The following HDAC8 variants were observed in gnomAD, a reference collection of about 807,000 sequenced individuals.
HDAC8 encodes the protein histone deacetylase 8.
Under a neutral mutation model 32.2 loss-of-function variants are expected in HDAC8, and 1 was observed. That is an observed-to-expected ratio of 0.03 (90% confidence interval 0.01 to 0.15). The LOEUF (loss-of-function observed/expected upper bound fraction) is 0.15, where lower values mean the gene tolerates loss of function less well. Ranked by LOEUF, HDAC8 falls within the 10% of genes least tolerant of loss-of-function variation. The pLI is 1.00. For missense variants in HDAC8, 117 were observed against 300.0 expected, an observed-to-expected ratio of 0.39 and a Z score of 4.51; for synonymous variants, 108 against 113.9, an observed-to-expected ratio of 0.95 and a Z score of 0.33.
chrX:72,455,210 G>T (rs1356315569), intron 9 of HDAC8, among the ~76,000 whole-genome samples: 1 of 112,061 alleles, frequency 8.9e-6, no homozygotes, highest in African/African-American at 3.2e-5. Flanking sequence ...TAAAACTGCA[G>T]ATACTATGGT....
At chrX:72,438,353 A>G (rs2047015807) in intron 9 of HDAC8, among the ~76,000 whole-genome samples, 1 of 112,155 alleles carries the variant, frequency 8.9e-6, no homozygotes, top group African/African-American at 3.2e-5. Context: ...ACCAACATCA[A>G]AGACCAAAGG....
intron 4 of HDAC8, among the ~76,000 whole-genome samples, chrX:72,498,936 G>A (rs974944656): frequency 9.0e-6 from 1 of 111,310 alleles, no homozygotes; most frequent in African/African-American, 3.3e-5. Context: ...TGGCTTGGTT[G>A]TGATCTCACA....
At chrX:72,437,504 C>T (rs2046986974) in intron 9 of HDAC8, among the ~76,000 whole-genome samples, 1 of 111,119 alleles carries the variant, frequency 9.0e-6, no homozygotes, top group African/African-American at 3.3e-5. Context: ...TCTTCACTCC[C>T]CTGAAAAGGG....
intron 9 of HDAC8, among the ~76,000 whole-genome samples, chrX:72,392,601 G>A (rs1302887407): frequency 8.9e-6 from 1 of 112,212 alleles, no homozygotes; most frequent in African/African-American, 3.2e-5. Context: ...AAAGTGCTGT[G>A]AGGCACAAAT....
Position 72,344,686 on chromosome X carries a change from C to A in HDAC8, c.1111+7047G>T, listed in dbSNP as rs184310479. ...TCCCCCAAGAGCTTCCCATTTCAGT[C>A]GGTATCCAGGCTGGAAATCTCAGAG... is the stretch of plus-strand genomic sequence containing the variant. On this transcript the variant is annotated intron_variant, in intron 10 of 10. Coordinates refer to ENST00000373573, the MANE Select transcript of HDAC8 (RefSeq NM_018486.3). Among the ~76,000 whole-genome samples, 465 of 111,656 alleles carry A rather than the reference C, an allele frequency of 4.2e-3. 1 individual carries two copies. Among genetic ancestry groups the A allele is most frequent in the Non-Finnish European group, 6.7e-3 (354 of 53,122 alleles).
intron 7 of HDAC8, among the ~76,000 whole-genome samples, chrX:72,470,005 G>A (rs1373911159): frequency 9.1e-6 from 1 of 109,786 alleles, no homozygotes; most frequent in Non-Finnish European, 1.9e-5. Context: ...AAAATTAGCT[G>A]GGCGTGGTGG....
chrX:72,454,235 C>T (rs2047664538), intron 9 of HDAC8, among the ~76,000 whole-genome samples: 1 of 112,056 alleles, frequency 8.9e-6, no homozygotes, highest in African/African-American at 3.2e-5. Flanking sequence ...AAAGGACTGC[C>T]ACCGAAGGCC....
chrX:72,385,822 G>T (rs1446519229), intron 9 of HDAC8, among the ~76,000 whole-genome samples: 1 of 111,784 alleles, frequency 8.9e-6, no homozygotes, highest in African/African-American at 3.3e-5. Flanking sequence ...ACAGTTTGGG[G>T]AGTAACACAG....
At chrX:72,509,584 G>A (rs991841843) in intron 4 of HDAC8, among the ~76,000 whole-genome samples, 2 of 111,615 alleles carry the variant, frequency 1.8e-5, no homozygotes, top group African/African-American at 3.3e-5. Flanking sequence ...CAACAGGGAC[G>A]AACCTGGAGG....
intron 4 of HDAC8, among the ~76,000 whole-genome samples, chrX:72,506,929 G>A (rs1360600212): frequency 1.8e-5 from 2 of 110,553 alleles, no homozygotes; most frequent in South Asian, 3.9e-4. Flanking sequence ...TCAGTTGACC[G>A]CAACCTCCAC....
At chrX:72,541,575 G>A (rs781839546) in intron 4 of HDAC8, among the ~76,000 whole-genome samples, 5 of 111,904 alleles carry the variant, frequency 4.5e-5, no homozygotes, top group African/African-American at 1.6e-4. Flanking sequence ...ACCAAAGGGG[G>A]CAAGGCTAGA....
intron 10 of HDAC8, among the ~76,000 whole-genome samples, chrX:72,340,324 T>C (rs2043853313): frequency 9.0e-6 from 1 of 111,509 alleles, no homozygotes; most frequent in African/African-American, 3.3e-5. Flanking sequence ...GAGACAGAGC[T>C]CCGAGGTTCT....
At chrX:72,487,815 A>G (rs2048729158) in intron 7 of HDAC8, among the ~76,000 whole-genome samples, 1 of 110,134 alleles carries the variant, frequency 9.1e-6, no homozygotes, top group African/African-American at 3.3e-5. Context: ...CCTTTTACAT[A>G]GAACTGCAGG....
chrX:72,376,579 T>C (rs1475450309), intron 9 of HDAC8, among the ~76,000 whole-genome samples: 1 of 110,742 alleles, frequency 9.0e-6, no homozygotes, highest in Non-Finnish European at 1.9e-5. Context: ...CCACCATGTC[T>C]GGCTGATTTT....
chrX:72,388,015 G>C (rs1170962618), intron 9 of HDAC8, among the ~76,000 whole-genome samples: 2 of 110,379 alleles, frequency 1.8e-5, no homozygotes, highest in Non-Finnish European at 3.8e-5. Context: ...AGGAAGAGTA[G>C]GACTTCATCC....
intron 9 of HDAC8, among the ~76,000 whole-genome samples, chrX:72,447,867 C>T (rs2047455989): frequency 9.0e-6 from 1 of 111,499 alleles, no homozygotes; most frequent in Admixed American, 9.5e-5. Context: ...CCTAGGAATA[C>T]AACTTACAAG....
chrX:72,344,750 A>G (rs2043979230), intron 10 of HDAC8, among the ~76,000 whole-genome samples: 1 of 110,535 alleles, frequency 9.0e-6, no homozygotes, highest in South Asian at 3.9e-4. Context: ...TCCTCTATAA[A>G]TGGCCTACCT....
intron 9 of HDAC8, among the ~76,000 whole-genome samples, chrX:72,387,084 A>T (rs2045456655): frequency 8.9e-6 from 1 of 112,155 alleles, no homozygotes; most frequent in Non-Finnish European, 1.9e-5. Context: ...AACAAAACAA[A>T]ATCATAGGCA....
At chrX:72,356,672 C>T (rs910354768) in intron 9 of HDAC8, among the ~76,000 whole-genome samples, 3 of 110,876 alleles carry the variant, frequency 2.7e-5, no homozygotes, top group African/African-American at 6.6e-5. Flanking sequence ...CCTCCCCTCC[C>T]GGGTTCAAGT....
Sources: gnomAD v4.1 joint callset for allele counts (sites outside exome capture counted in the v4.1 genomes callset) on GRCh38, gnomAD v4.1.1 for gene constraint, MANE v1.5 for transcripts, NCBI Gene and HGNC (gene_info 2026-07-23, HGNC 2026-07-21) for gene names.